The following CCDC171 variants were observed in gnomAD, a reference collection of about 807,000 sequenced individuals.
CCDC171 encodes coiled-coil domain-containing protein 171.
In CCDC171, 177 loss-of-function variants were observed where a neutral mutation model predicts 168.2. The observed-to-expected ratio is 1.05, with a 90% confidence interval of 0.93 to 1.19. The LOEUF (loss-of-function observed/expected upper bound fraction) is 1.19. Among genes scored for constraint, CCDC171 ranks in the 50% most tolerant of loss-of-function variants. CCDC171 has a pLI of 0.00. For missense variants in CCDC171, 1,991 were observed against 1,539.0 expected (o/e 1.29, Z -4.91); for synonymous variants, 687 against 540.8 (o/e 1.27, Z -3.75).
chr9:15,653,571 A>T (rs2047694934), intron 7 of CCDC171, among the ~76,000 whole-genome samples: 1 of 152,194 alleles, frequency 6.6e-6, no homozygotes, highest in African/African-American at 2.4e-5. Context: ...AAGTAGAAAG[A>T]ATATTATAGT....
chr9:15,618,989 T>C (rs2044306498), intron 6 of CCDC171, among the ~76,000 whole-genome samples: 1 of 152,096 alleles, frequency 6.6e-6, no homozygotes, highest in South Asian at 2.1e-4. Context: ...CCAGTGGTCT[T>C]TACGTTACTG....
intron 9 of CCDC171, among the ~76,000 whole-genome samples, chr9:15,674,624 A>G (rs1048851119): frequency 6.6e-6 from 1 of 152,180 alleles, no homozygotes; most frequent in African/African-American, 2.4e-5. Context: ...TTTACTGAGT[A>G]GTCATTTAGG....
chr9:15,855,794 A>T (rs1001506331), intron 23 of CCDC171, among the ~76,000 whole-genome samples: 1 of 151,884 alleles, frequency 6.6e-6, no homozygotes, highest in Non-Finnish European at 1.5e-5. Flanking sequence ...ACGTAGTGCC[A>T]ATTATGTTTA....
At chr9:15,648,592 T>A (rs7851056) in intron 7 of CCDC171, among the ~76,000 whole-genome samples, 1 of 151,942 alleles carries the variant, frequency 6.6e-6, no homozygotes, top group Non-Finnish European at 1.5e-5. Flanking sequence ...CAAGCATTCT[T>A]ATACACCAAT....
intron 25 of CCDC171, among the ~76,000 whole-genome samples, chr9:15,926,066 TA>T (rs80315649): frequency 0.32 from 48,449 of 151,368 alleles, 9,486 homozygotes; most frequent in East Asian, 0.62. Flanking sequence ...AATAGGCATA[TA>T]AAAAAATCTG....
At chr9:15,798,410 T>A (rs1025503423) in intron 21 of CCDC171, among the ~76,000 whole-genome samples, 2 of 152,132 alleles carry the variant, frequency 1.3e-5, no homozygotes, top group Non-Finnish European at 2.9e-5. Context: ...TTTCTGTTAT[T>A]TTTATTATTT....
intron 7 of CCDC171, among the ~76,000 whole-genome samples, chr9:15,643,484 C>T (rs978286527): frequency 6.6e-6 from 1 of 152,150 alleles, no homozygotes; most frequent in African/African-American, 2.4e-5. Context: ...AACTTTTTTT[C>T]CACAATGAGA....
intron 7 of CCDC171, among the ~76,000 whole-genome samples, chr9:15,656,180 G>T (rs769262905): frequency 1.1e-4 from 16 of 152,086 alleles, no homozygotes; most frequent in Admixed American, 2.6e-4. Flanking sequence ...TTAGCTGGGC[G>T]TGGTGGCCGG....
At chr9:15,958,884 A>G (rs1039162438) in intron 25 of CCDC171, among the ~76,000 whole-genome samples, 1 of 152,148 alleles carries the variant, frequency 6.6e-6, no homozygotes, top group Non-Finnish European at 1.5e-5. Flanking sequence ...GGTTTGTGGA[A>G]TTAAACACAC....
At chr9:15,918,510 A>C (rs1427858499) in intron 24 of CCDC171, among the ~76,000 whole-genome samples, 1 of 151,482 alleles carries the variant, frequency 6.6e-6, no homozygotes, top group Admixed American at 6.6e-5. Flanking sequence ...GAATTGAGAG[A>C]GACTTGACAT....
intron 21 of CCDC171, among the ~76,000 whole-genome samples, chr9:15,792,157 C>A (rs144949588): frequency 6.6e-6 from 1 of 152,168 alleles, no homozygotes; most frequent in Non-Finnish European, 1.5e-5. Context: ...AACCATGGCA[C>A]AAGAACTACG....
chr9:15,566,235 A>G (rs191370796), intron 2 of CCDC171, among the ~76,000 whole-genome samples: 2 of 150,022 alleles, frequency 1.3e-5, no homozygotes, highest in East Asian at 3.9e-4. Flanking sequence ...GAGTGTTTGT[A>G]TATTTGGAAT....
At chr9:15,771,584 A>G (rs1385909867) in intron 18 of CCDC171, among the ~76,000 whole-genome samples, 1 of 152,140 alleles carries the variant, frequency 6.6e-6, no homozygotes, top group African/African-American at 2.4e-5. Context: ...ATCATAGTGC[A>G]AATAATTTTG....
intron 10 of CCDC171, among the ~76,000 whole-genome samples, chr9:15,692,688 CA>C (rs2050899184): frequency 6.6e-6 from 1 of 151,586 alleles, no homozygotes; most frequent in African/African-American, 2.4e-5. Context: ...CCACCATGCC[CA>C]GCTAATTTTT....
intron 3 of CCDC171, among the ~76,000 whole-genome samples, chr9:15,575,959 G>A (rs964754391): frequency 6.6e-6 from 1 of 152,040 alleles, no homozygotes; most frequent in African/African-American, 2.4e-5. Context: ...GGGCGTGGTG[G>A]TGCGCACCTA....
chr9:15,678,496 C>G (rs569764793), intron 9 of CCDC171, among the ~76,000 whole-genome samples: 72 of 152,188 alleles, frequency 4.7e-4, no homozygotes, highest in African/African-American at 1.7e-3. Flanking sequence ...ATGGTGAATC[C>G]AAATCAACAG....
chr9:15,675,084 T>A (rs2049426325), intron 9 of CCDC171, among the ~76,000 whole-genome samples: 1 of 152,218 alleles, frequency 6.6e-6, no homozygotes, highest in Non-Finnish European at 1.5e-5. Context: ...TTAGTTTTTC[T>A]TGTTGAATTG....
intron 14 of CCDC171, among the ~76,000 whole-genome samples, chr9:15,726,147 T>G (rs1229599829): frequency 6.6e-6 from 1 of 152,172 alleles, no homozygotes; most frequent in African/African-American, 2.4e-5. Context: ...GTCTGGGATT[T>G]AAATTGTGTC....
At chr9:15,575,653 T>G (rs538833909) in intron 3 of CCDC171, among the ~76,000 whole-genome samples, 1 of 152,350 alleles carries the variant, frequency 6.6e-6, no homozygotes, top group Admixed American at 6.5e-5. Context: ...ATTTTATTTT[T>G]ATTAACCTCT....
Sources: allele counts gnomAD v4.1 joint callset (sites outside exome capture counted in the v4.1 genomes callset), GRCh38; gene constraint gnomAD v4.1.1; transcripts MANE v1.5; gene names NCBI Gene and HGNC (gene_info 2026-07-23, HGNC 2026-07-21).